Variants in FGF1 observed in about 807,000 individuals in gnomAD.
The protein encoded by FGF1 is fibroblast growth factor 1, also known as beta-endothelial cell growth factor.
FGF1 carries 9 observed loss-of-function variants against 13.4 expected under a neutral mutation model. The ratio of observed to expected loss-of-function variants is 0.67; its 90% CI spans 0.40 to 1.17. FGF1 has a LOEUF of 1.17. Among genes scored for constraint, FGF1 ranks in the 50% most tolerant of loss-of-function variants. FGF1 has a pLI of 0.01. For synonymous variants in FGF1, 93 were observed against 79.0 expected, an observed-to-expected ratio of 1.18 and a Z score of -0.94; for missense variants, 156 against 192.7, an observed-to-expected ratio of 0.81 and a Z score of 1.13.
intron 1 of FGF1, among the ~76,000 whole-genome samples, chr5:142,658,277 C>T (rs1012993985): frequency 1.3e-5 from 2 of 152,216 alleles, no homozygotes; most frequent in African/African-American, 4.8e-5. Flanking sequence ...AATTCTCAAG[C>T]CTTATCCATG....
At chr5:142,693,139 C>T (rs1752506268) in intron 2 of FGF1, among the ~76,000 whole-genome samples, 3 of 152,150 alleles carry the variant, frequency 2.0e-5, no homozygotes. Context: ...ATCTTCTTCT[C>T]AGTGGAATTG....
At chr5:142,686,196 C>G (rs1414652321), upstream of FGF1, 1 of 148,890 alleles carries the variant, frequency 6.7e-6, no homozygotes, top group Non-Finnish European at 1.5e-5. Flanking sequence ...TGTGGGAAAT[C>G]GAGGTGGGGG....
intron 1 of FGF1, among the ~76,000 whole-genome samples, chr5:142,615,015 A>G (rs1323035961): frequency 6.6e-6 from 1 of 151,600 alleles, no homozygotes; most frequent in Non-Finnish European, 1.5e-5. Context: ...CTTTAACATT[A>G]TATGTAGCCA....
chr5:142,600,591 TAACA>T (rs1756301360), intron 3 of FGF1, 107 bp downstream of exon 3: 3 of 771,358 alleles, frequency 3.9e-6, no homozygotes, highest in African/African-American at 1.7e-5. Flanking sequence ...CTGGAAAAAA[TAACA>T]AACAGAGACT....
chr5:142,681,626 C>A (rs1773708051), intron 1 of FGF1, among the ~76,000 whole-genome samples: 2 of 152,164 alleles, frequency 1.3e-5, no homozygotes, highest in Non-Finnish European at 2.9e-5. Context: ...GTGCTGAATT[C>A]CTATCACCAA....
chr5:142,683,455 G>C (rs1774094391), intron 1 of FGF1, among the ~76,000 whole-genome samples: 1 of 152,152 alleles, frequency 6.6e-6, no homozygotes, highest in African/African-American at 2.4e-5. Context: ...GGAGTCTCCA[G>C]GTAGCCCGAT....
At chr5:142,661,819 C>T (rs552646126) in intron 1 of FGF1, among the ~76,000 whole-genome samples, 49 of 152,110 alleles carry the variant, frequency 3.2e-4, no homozygotes, top group Non-Finnish European at 6.2e-4. Context: ...CTGGCTAACA[C>T]GATGAAACCC....
chr5:142,652,047 C>T (rs1767363938), intron 1 of FGF1, among the ~76,000 whole-genome samples: 1 of 152,128 alleles, frequency 6.6e-6, no homozygotes, highest in Non-Finnish European at 1.5e-5. Flanking sequence ...CTGAACGCTG[C>T]AATGGAGGAA....
chr5:142,660,314 G>A (rs954770369), intron 1 of FGF1, among the ~76,000 whole-genome samples: 33 of 152,212 alleles, frequency 2.2e-4, no homozygotes, highest in African/African-American at 7.2e-4. Context: ...GTTGGCCCCC[G>A]GCACAGGGTC....
chr5:142,654,881 G>A (rs1421008474), intron 1 of FGF1, among the ~76,000 whole-genome samples: 4 of 152,316 alleles, frequency 2.6e-5, no homozygotes, highest in Admixed American at 2.6e-4. Context: ...GAGCAGGCAG[G>A]GGAGAGCAGA....
intron 1 of FGF1, among the ~76,000 whole-genome samples, chr5:142,629,600 A>C (rs1240433803): frequency 2.0e-5 from 3 of 152,088 alleles, no homozygotes; most frequent in African/African-American, 7.2e-5. Context: ...TGTTTCTTTC[A>C]TGACAATTAT....
rs180877681 is a variant in FGF1, at chr5:142,692,685, G to A, written c.-35+4937C>T. Among the ~76,000 whole-genome samples, 41 of 145,236 alleles carry A rather than the reference G, an allele frequency of 2.8e-4. 1 individual carries two copies. Among genetic ancestry groups the A allele is most frequent in the South Asian group, 8.8e-4 (4 of 4,558 alleles). On this transcript the variant is annotated intron_variant, in intron 2 of 4. Transcript: ENST00000407758. ...GACACACACACACACACGCACACACGCACACACACACACACACGCACAGAC... is the reference window on the plus strand; with the variant it reads ...GACACACACACACACACGCACACACACACACACACACACACACGCACAGAC...
chr5:142,688,770 A>C (rs1264506138), upstream of FGF1, among the ~76,000 whole-genome samples: 1 of 152,228 alleles, frequency 6.6e-6, no homozygotes, highest in Non-Finnish European at 1.5e-5. Context: ...CACATCTAAA[A>C]TGTTGTGGCT....
intron 2 of FGF1, 57 bp downstream of exon 2, chr5:142,613,902 A>G (rs1759618035): frequency 1.3e-6 from 2 of 1,573,644 alleles, no homozygotes; most frequent in Non-Finnish European, 1.7e-6. Flanking sequence ...CCTTCCTCCC[A>G]CCTTGACTAC....
At chr5:142,694,520 T>C (rs954856653) in intron 2 of FGF1, among the ~76,000 whole-genome samples, 2 of 152,182 alleles carry the variant, frequency 1.3e-5, no homozygotes, top group Non-Finnish European at 2.9e-5. Context: ...AGTGGCTTGA[T>C]GTGGGGGCAC....
chr5:142,628,049 A>C (rs1321580763), intron 1 of FGF1, among the ~76,000 whole-genome samples: 2 of 152,160 alleles, frequency 1.3e-5, no homozygotes, highest in Non-Finnish European at 2.9e-5. Flanking sequence ...TATGGGAAGG[A>C]GATGATGCAA....
intron 1 of FGF1, among the ~76,000 whole-genome samples, chr5:142,620,225 GGCTA>G (rs1761267616): frequency 6.6e-6 from 1 of 152,120 alleles, no homozygotes; most frequent in Non-Finnish European, 1.5e-5. Context: ...AGACCATCCT[GGCTA>G]ACACAGTGAA....
At chr5:142,685,550 A>C (rs1405221024) in intron 1 of FGF1, 1 of 152,258 alleles carries the variant, frequency 6.6e-6, no homozygotes, top group African/African-American at 2.4e-5. Context: ...CAAGGGCTGC[A>C]TCCAGCACTT....
At chr5:142,656,216 C>T (rs1035119140) in intron 1 of FGF1, among the ~76,000 whole-genome samples, 4 of 149,744 alleles carry the variant, frequency 2.7e-5, no homozygotes, top group African/African-American at 7.5e-5. Flanking sequence ...TGACTCTAGC[C>T]ATAGAAAATG....
Sources: gnomAD v4.1 joint callset for allele counts (sites outside exome capture counted in the v4.1 genomes callset) on GRCh38, gnomAD v4.1.1 for gene constraint, MANE v1.5 for transcripts, NCBI Gene and HGNC (gene_info 2026-07-23, HGNC 2026-07-21) for gene names.